The following DKK2 variants were observed in gnomAD, a reference collection of about 807,000 sequenced individuals.
The protein encoded by DKK2 is dickkopf Wnt signaling pathway inhibitor 2.
A neutral mutation model predicts 28.1 loss-of-function variants in DKK2; 11 were observed. That is an observed-to-expected ratio of 0.39 (90% CI 0.25 to 0.65). DKK2 has a LOEUF of 0.65. Ranked by LOEUF, DKK2 falls within the 30% of genes least tolerant of loss-of-function variation. The pLI is 0.47. For missense variants in DKK2, 326 were observed against 335.5 expected, an observed-to-expected ratio of 0.97 and a Z score of 0.22; for synonymous variants, 135 against 126.5, an observed-to-expected ratio of 1.07 and a Z score of -0.45.
Position 106,924,601 on chromosome 4 carries a change from T to C in DKK2, c.473A>G (p.His158Arg), listed in dbSNP as rs1348128917. ...RDRNHGHYSN[H>R]DLGWQNLGRP... ...TCCTAGATTCTGCCATCCCAAGTCA[T>C]GGTTTGAGTAATGACCGTGGTTTCG... is the stretch of plus-strand genomic sequence containing the variant. Residue 158 changes from histidine to arginine, a missense_variant, in exon 3 of 4, where the codon CAT becomes CGT. Transcript: ENST00000285311. The C allele has an allele frequency of 1.9e-6, 3 of 1,613,988 alleles. No individual in the cohort carries two copies. The highest frequency in any genetic ancestry group is 2.5e-6 in the Non-Finnish European group (3 of 1,179,898).
chr4:107,019,116 T>G lies in DKK2; in HGVS notation c.222+16254A>C, dbSNP rs1409930525. 5.9e-5 allele frequency among the ~76,000 whole-genome samples: 9 copies of G among 152,138 alleles called. 1 individual carries two copies. The highest frequency in any genetic ancestry group is 5.9e-4 in the Admixed American group (9 of 15,270). On this transcript the variant is annotated intron_variant, in intron 1 of 3. Transcript: ENST00000285311. The stretch of plus-strand genomic sequence containing the variant: ...AGAAGATAAGAACTTCAACAACGTT[T>G]CCAGAGTTTACGGGCACGGCTGTAT...
At chr4:107,005,797 C>T (rs1204558859) in intron 1 of DKK2, among the ~76,000 whole-genome samples, 1 of 152,154 alleles carries the variant, frequency 6.6e-6, no homozygotes, top group Admixed American at 6.5e-5. Flanking sequence ...TATATTATGA[C>T]CATACAGTTA....
chr4:107,010,536 A>G (rs1324532443), intron 1 of DKK2, among the ~76,000 whole-genome samples: 1 of 151,598 alleles, frequency 6.6e-6, no homozygotes, highest in Admixed American at 6.6e-5. Context: ...TTCACAATAA[A>G]GATTAGGAGA....
rs1724371770 is a variant in DKK2 at position 106,923,087 on chromosome 4, C to A, written c.*867G>T. ...GGACATCTTTAAATTTTTTTGCCATCTGTGAAAATTCTGCTCTGTGTAAGT... is the reference window on the plus strand; with the variant it reads ...GGACATCTTTAAATTTTTTTGCCATATGTGAAAATTCTGCTCTGTGTAAGT... On this transcript the variant is annotated 3_prime_UTR_variant, in exon 4 of 4. Coordinates refer to ENST00000285311, the MANE Select transcript of DKK2 (RefSeq NM_014421.3). The A allele has an allele frequency of 6.6e-6, 1 of 152,096 alleles. No homozygotes were observed. The highest frequency in any genetic ancestry group is 6.6e-5 in the Admixed American group (1 of 15,240). 9.4% of individuals were successfully genotyped at this position (152,096 alleles called of 1,614,324 possible).
chr4:106,942,539 T>G (rs1724715728), intron 1 of DKK2, among the ~76,000 whole-genome samples: 1 of 152,108 alleles, frequency 6.6e-6, no homozygotes, highest in African/African-American at 2.4e-5. Flanking sequence ...GTAGCCTTTG[T>G]AGCAGATATG....
chr4:107,022,856 G>T (rs1193481403), intron 1 of DKK2, among the ~76,000 whole-genome samples: 1 of 152,072 alleles, frequency 6.6e-6, no homozygotes, highest in African/African-American at 2.4e-5. Context: ...TTGGAGGAGG[G>T]ATAGAAAGCA....
At chr4:106,957,661 C>A (rs1722616068) in intron 1 of DKK2, among the ~76,000 whole-genome samples, 1 of 146,600 alleles carries the variant, frequency 6.8e-6, no homozygotes, top group Non-Finnish European at 1.5e-5. Flanking sequence ...GGACAAAAAA[C>A]CAAACACCAC....
At chr4:106,956,695 C>T (rs1471526413) in intron 1 of DKK2, among the ~76,000 whole-genome samples, 1 of 151,888 alleles carries the variant, frequency 6.6e-6, no homozygotes, top group African/African-American at 2.4e-5. Flanking sequence ...AACTGGCTAG[C>T]CATATGTAGA....
chr4:107,024,414 A>G (rs967067438), intron 1 of DKK2, among the ~76,000 whole-genome samples: 2 of 152,290 alleles, frequency 1.3e-5, no homozygotes, highest in Middle Eastern at 3.4e-3. Flanking sequence ...ACTGATACTA[A>G]TTTTTAAAAC....
At chr4:107,031,889 A>C (rs1185641055) in intron 1 of DKK2, among the ~76,000 whole-genome samples, 1 of 151,914 alleles carries the variant, frequency 6.6e-6, no homozygotes, top group East Asian at 1.9e-4. Flanking sequence ...AACACCTCAA[A>C]CTTTAGAGAT....
chr4:106,994,809 C>G (rs1723249240), intron 1 of DKK2, among the ~76,000 whole-genome samples: 1 of 152,182 alleles, frequency 6.6e-6, no homozygotes. Context: ...CATGGAATGC[C>G]CTCAGCACCT....
chr4:106,989,060 G>A (rs143042797), intron 1 of DKK2, among the ~76,000 whole-genome samples: 1 of 152,288 alleles, frequency 6.6e-6, no homozygotes, highest in African/African-American at 2.4e-5. Context: ...GACCTGACAA[G>A]CACTTGGAAG....
chr4:106,925,346 T>G (rs1247733662), intron 2 of DKK2, among the ~76,000 whole-genome samples: 3 of 152,184 alleles, frequency 2.0e-5, no homozygotes, highest in Non-Finnish European at 4.4e-5. Flanking sequence ...TGAAGCCAGG[T>G]TGGGGAATAA....
At chr4:106,967,412 A>G (rs191728541) in intron 1 of DKK2, among the ~76,000 whole-genome samples, 53 of 152,250 alleles carry the variant, frequency 3.5e-4, no homozygotes, top group Non-Finnish European at 1.3e-4. Context: ...AAGCTGAGGA[A>G]AAGTACCAGA....
At chr4:106,945,534 T>C (rs527849001) in intron 1 of DKK2, among the ~76,000 whole-genome samples, 4 of 152,270 alleles carry the variant, frequency 2.6e-5, no homozygotes, top group African/African-American at 9.6e-5. Flanking sequence ...AAACCACTTC[T>C]CTTTTGCAAA....
At chr4:106,984,524 T>G (rs759835652) in intron 1 of DKK2, among the ~76,000 whole-genome samples, 2 of 152,252 alleles carry the variant, frequency 1.3e-5, no homozygotes, top group Non-Finnish European at 2.9e-5. Flanking sequence ...GAATTTCATT[T>G]TTTAAGGCTG....
At chr4:106,962,537 G>GTT (rs1722707158) in intron 1 of DKK2, among the ~76,000 whole-genome samples, 1 of 143,298 alleles carries the variant, frequency 7.0e-6, no homozygotes, top group African/African-American at 2.7e-5. Context: ...GTGTGTGTGT[G>GTT]TGTGTGTGTG....
At chr4:107,029,156 G>A (rs1462894958) in intron 1 of DKK2, among the ~76,000 whole-genome samples, 1 of 152,128 alleles carries the variant, frequency 6.6e-6, no homozygotes, top group East Asian at 1.9e-4. Flanking sequence ...ATTTTGTTGT[G>A]ACTTTTAATG....
At chr4:106,999,012 C>CTGT (rs1296582385) in intron 1 of DKK2, among the ~76,000 whole-genome samples, 8 of 152,154 alleles carry the variant, frequency 5.3e-5, no homozygotes, top group African/African-American at 1.9e-4. Context: ...AGAATTATCC[C>CTGT]TGTTAGGACA....
Sources: gnomAD v4.1 joint callset for allele counts (sites outside exome capture counted in the v4.1 genomes callset) on GRCh38, gnomAD v4.1.1 for gene constraint, MANE v1.5 for transcripts, NCBI Gene and HGNC (gene_info 2026-07-23, HGNC 2026-07-21) for gene names.